Variants in LAMA5 observed in about 807,000 individuals in gnomAD.
LAMA5 encodes the protein laminin subunit alpha-5.
LAMA5 carries 260 observed loss-of-function variants against 433.4 expected under a neutral mutation model. The ratio of observed to expected loss-of-function variants is 0.60; its 90% CI spans 0.54 to 0.66. The LOEUF is 0.66. LAMA5 is among the 30% of genes least tolerant of loss of function. The pLI is 0.00. For synonymous variants in LAMA5, 2,620 were observed against 2,226.6 expected (o/e 1.18, Z -4.97); for missense variants, 5,378 against 5,258.5 (o/e 1.02, Z -0.70).
chr20:62,310,068 G>A lies in LAMA5; in HGVS notation c.10748C>T (p.Ala3583Val), dbSNP rs760403780. ...QVTEKQVLLR[A>V]DDGAGEFSTS... ...GGAGAACTCCCCTGCTCCGTCATCCGCCCGCAGCAGGACCTGGCGGGGTAG... is the reference window on the plus strand; with the variant it reads ...GGAGAACTCCCCTGCTCCGTCATCCACCCGCAGCAGGACCTGGCGGGGTAG... Residue 3583 changes from alanine (A) to valine (V), a missense_variant, in exon 78 of 80, where the codon GCG (alanine) becomes GTG (valine). Coordinates refer to ENST00000252999, the MANE Select transcript of LAMA5 (RefSeq NM_005560.6). 1.5e-5 allele frequency: 24 copies of A among 1,610,648 alleles called. No homozygotes were observed. Among genetic ancestry groups the A allele is most frequent in the South Asian group, 4.4e-5 (4 of 90,966 alleles).
chr20:62,345,630 CT>C, intron 11 of LAMA5, 187 bp downstream of exon 11: 1 of 656,356 alleles, frequency 1.5e-6, no homozygotes. Context: ...TAACTTTTTT[CT>C]TTGGCTTTAT....
Position 62,328,178 on chromosome 20 carries a change from G to A in LAMA5, c.4652+63C>T, listed in dbSNP as rs1463561942. On this transcript the variant is annotated intron_variant, in intron 35 of 79. Transcript: ENST00000252999. ...GCAGGGTGGGTGCCAGGACCCTCTG[G>A]CTAGAGGAAATGCTGTCCTTAAGGC... is the stretch of plus-strand genomic sequence containing the variant. 5 of 1,523,700 alleles carry A rather than the reference G, an allele frequency of 3.3e-6. No individual in the cohort carries two copies. The East Asian group carries it at 9.5e-5, about 29-fold the overall frequency. The allele number at this position is 1,523,700 out of a possible 1,614,324, so 94.4% of individuals were successfully genotyped here. A position where few individuals can be genotyped will look rare whatever the true frequency, so the allele number is the denominator to read the frequency against.
intron 41 of LAMA5, chr20:62,325,102 G>A (rs1979023307): frequency 1.7e-6 from 1 of 575,110 alleles, no homozygotes; most frequent in Non-Finnish European, 3.1e-6. Context: ...AGGCGGATGA[G>A]GGGCAGGCAG....
rs138625956 is a variant in LAMA5, at chr20:62,334,242, G to C, written c.2683C>G (p.Pro895Ala). ...CAGCTGAAGTTCTCGAACTCGAGGGGGTTGAAGCCAAAGCGCACGGCGTGA... is the reference window on the plus strand; with the variant it reads ...CAGCTGAAGTTCTCGAACTCGAGGGCGTTGAAGCCAAAGCGCACGGCGTGA... Reference protein sequence around the residue: ...EGHAVRFGFNPLEFENFSWRG... With the variant: ...EGHAVRFGFNALEFENFSWRG... Residue 895 changes from proline to alanine, a missense_variant, in exon 22 of 80, where the codon CCC becomes GCC. By Grantham distance (27) the Pro-to-Ala change is conservative. Transcript: ENST00000252999. 2.5e-6 allele frequency: 4 copies of C among 1,612,822 alleles called. No homozygotes were observed. Among genetic ancestry groups the C allele is most frequent in the Non-Finnish European group, 3.4e-6 (4 of 1,179,886 alleles).
intron 11 of LAMA5, 175 bp downstream of exon 11, chr20:62,345,640 ATGC>A: frequency 1.5e-6 from 1 of 648,308 alleles, no homozygotes. Context: ...CTTTGGCTTT[ATGC>A]TGACCTATAT....
rs1981097785 is a variant in LAMA5 at position 62,334,210 on chromosome 20, G to A, written c.2715C>T (p.Gly905=). 4.3e-6 allele frequency: 7 copies of A among 1,612,916 alleles called. No individual in the cohort carries two copies. The highest frequency in any genetic ancestry group is 5.9e-6 in the Non-Finnish European group (7 of 1,179,912). ...PLEFENFSWR[G]YAQMAPVQPR... is the part of the protein sequence containing the mutation. ...CCTGGACAGGTGCCATCTGCGCGTAGCCCCTCCAGCTGAAGTTCTCGAACT... is the reference window on the plus strand; with the variant it reads ...CCTGGACAGGTGCCATCTGCGCGTAACCCCTCCAGCTGAAGTTCTCGAACT... Residue 905 remains glycine, a synonymous_variant, in exon 22 of 80, where the codon GGC becomes GGT. Coordinates refer to ENST00000252999, the MANE Select transcript of LAMA5 (RefSeq NM_005560.6).
Position 62,314,559 on chromosome 20 carries a change from C to A in LAMA5, c.8363G>T (p.Arg2788Leu), listed in dbSNP as rs746740167. 5 of 1,606,912 alleles carry A rather than the reference C, an allele frequency of 3.1e-6. No homozygotes were observed. Among genetic ancestry groups the A allele is most frequent in the Admixed American group, 1.7e-5 (1 of 59,632 alleles). ...EDRFVMYMGS[R>L]QATGDYMGVS... ...TCCACCCAGCCAGCCTGGTACCTGG[C>A]GGCTGCCCATGTACATCACAAAGCG... Residue 2788 changes from arginine to leucine, a missense_variant, in exon 61 of 80, where the codon CGC becomes CTC. By Grantham distance (102) the Arg-to-Leu change is moderately radical. Transcript: ENST00000252999.
chr20:62,352,644 C>A (rs1453604338), intron 3 of LAMA5, among the ~76,000 whole-genome samples: 1 of 152,202 alleles, frequency 6.6e-6, no homozygotes, highest in East Asian at 1.9e-4. Context: ...CACTGACCCG[C>A]CCCTCCCCCA....
intron 6 of LAMA5, among the ~76,000 whole-genome samples, chr20:62,350,602 A>G (rs915002103): frequency 6.6e-6 from 1 of 152,154 alleles, no homozygotes; most frequent in African/African-American, 2.4e-5. Flanking sequence ...CAAGCGCATG[A>G]AAGTTGGGCT....
rs1289014628 is a variant in LAMA5, at chr20:62,328,433, C to A, written c.4460G>T (p.Gly1487Val). ...GFPNCRPCDCGARLCDELTGQ... is the reference protein window; with the variant it reads ...GFPNCRPCDCVARLCDELTGQ... ...CGTGAGCTCGTCACAGAGGCGGGCACCGCAGTCACAGGCTGTGGGGCGGGT... is the reference window on the plus strand; with the variant it reads ...CGTGAGCTCGTCACAGAGGCGGGCAACGCAGTCACAGGCTGTGGGGCGGGT... Residue 1487 changes from glycine to valine, a missense_variant, in exon 35 of 80, where the codon GGT (glycine) becomes GTT (valine). Transcript: ENST00000252999. The A allele has an allele frequency of 6.7e-7, 1 of 1,502,730 alleles. No homozygotes were observed. Among genetic ancestry groups the A allele is most frequent in the African/African-American group, 1.4e-5 (1 of 73,012 alleles). The allele number at this position is 1,502,730 out of a possible 1,614,324, so 93.1% of individuals were successfully genotyped here. A position where few individuals can be genotyped will look rare whatever the true frequency, so the allele number is the denominator to read the frequency against.
chr20:62,345,770 C>T (rs1164526435), intron 11 of LAMA5, 48 bp downstream of exon 11: 1 of 1,387,296 alleles, frequency 7.2e-7, no homozygotes, highest in East Asian at 2.5e-5. Flanking sequence ...AAGCCGCCCC[C>T]ATGGCTCCAG....
chr20:62,333,219 G>T lies in LAMA5; in HGVS notation c.3153C>A (p.Pro1051=). The T allele has an allele frequency of 6.5e-7, 1 of 1,530,788 alleles. No homozygotes were observed. Among genetic ancestry groups the T allele is most frequent in the Non-Finnish European group, 8.8e-7 (1 of 1,138,004 alleles). The allele number at this position is 1,530,788 out of a possible 1,614,324, so 94.8% of individuals were successfully genotyped here. A position where few individuals can be genotyped will look rare whatever the true frequency, so the allele number is the denominator to read the frequency against. Residue 1051 remains proline (P), a synonymous_variant, in exon 26 of 80, where the codon CCC becomes CCA. Coordinates refer to ENST00000252999, the MANE Select transcript of LAMA5 (RefSeq NM_005560.6). The part of the protein sequence containing the change: ...GDNCLLYTHL[P]LDGFPSAAGL... ...CGGCGGCCGAGGGGAAGCCATCCAGGGGGAGGTGTGTGTAGAGGAGGCAGC... is the reference window on the plus strand; with the variant it reads ...CGGCGGCCGAGGGGAAGCCATCCAGTGGGAGGTGTGTGTAGAGGAGGCAGC...
rs749298519 is a variant in LAMA5 at position 62,333,362 on chromosome 20, G to A, written c.3128+13C>T. 119 of 1,607,574 alleles carry A rather than the reference G, an allele frequency of 7.4e-5. No homozygotes were observed. Among genetic ancestry groups the A allele is most frequent in the Non-Finnish European group, 9.2e-5 (109 of 1,178,492 alleles). ...AGCCCCCACCCCGGTCCCACCGCAC[G>A]CATGGCCCTCACTTGTCGCCAGACT... is the stretch of plus-strand genomic sequence containing the variant. On this transcript the variant is annotated intron_variant, in intron 25 of 79. Transcript: ENST00000252999.
chr20:62,330,765 G>T lies in LAMA5; in HGVS notation c.3830C>A (p.Pro1277His). The T allele has an allele frequency of 6.4e-7, 1 of 1,562,530 alleles. No homozygotes were observed. The highest frequency in any genetic ancestry group is 1.9e-5 in the Admixed American group (1 of 52,684). Residue 1277 changes from proline to histidine, a missense_variant, in exon 30 of 80, where the codon CCC (proline) becomes CAC (histidine). Physicochemically the swap from Pro to His is moderately conservative, Grantham distance 77. Transcript: ENST00000252999. Reference protein sequence around the residue: ...PPTAVDPDAEPTLLREPQATV... With the variant: ...PPTAVDPDAEHTLLREPQATV... ...CACCTGGGGCTCACGCAGCAGGGTG[G>T]GCTCTGCATCAGGGTCCACAGCGGT... is the stretch of plus-strand genomic sequence containing the variant.
intron 1 of LAMA5, among the ~76,000 whole-genome samples, chr20:62,363,819 C>A (rs572028376): frequency 6.6e-6 from 1 of 152,030 alleles, no homozygotes; most frequent in African/African-American, 2.4e-5. Flanking sequence ...CCAACCCCCT[C>A]GCCCAGAGTG....
At position 62,310,235 on chromosome 20, in the gene LAMA5, G is replaced by C; in HGVS notation, c.10677C>G (p.Phe3559Leu). 1 of 1,612,570 alleles carries C rather than the reference G, an allele frequency of 6.2e-7. No individual in the cohort carries two copies. The highest frequency in any genetic ancestry group is 8.5e-7 in the Non-Finnish European group (1 of 1,179,930). The change falls in exon 77 of 80, where the codon TTC becomes TTG. Residue 3559 changes from phenylalanine (F) to leucine (L), a missense_variant. Coordinates refer to ENST00000252999, the MANE Select transcript of LAMA5 (RefSeq NM_005560.6). ...GGGGCGTCCGGGCCTGGCCCAAGTG[G>C]AAGATCAGTCCGGTGACTGCCAGGG... ...VRPLAVTGLI[F>L]HLGQARTPPY...
At chr20:62,309,902 A>T in intron 78 of LAMA5, 67 bp from the exon 79 acceptor site, 2 of 1,606,108 alleles carry the variant, frequency 1.2e-6, no homozygotes, top group South Asian at 2.2e-5. Context: ...CCCCAAAAGA[A>T]GCCACCCCAC....
chr20:62,327,864 A>C lies in LAMA5; in HGVS notation c.4797+2T>G. The stretch of plus-strand genomic sequence containing the variant: ...CCAGATCTGGGCCCAGCCCTCACTC[A>C]CCTTACAGTAGCACTGCCCTGTGAG... On this transcript the variant is annotated splice_donor_variant, in intron 36 of 79. Coordinates refer to ENST00000252999, the MANE Select transcript of LAMA5 (RefSeq NM_005560.6). LOFTEE classifies it high-confidence loss of function. 6.2e-7 allele frequency: 1 copy of C among 1,603,980 alleles called. No individual in the cohort carries two copies. The highest frequency in any genetic ancestry group is 8.5e-7 in the Non-Finnish European group (1 of 1,175,228).
rs1165134475 is a variant in LAMA5, at chr20:62,309,933, C to T, written c.10828+55G>A. The T allele has an allele frequency of 1.7e-5, 27 of 1,605,364 alleles. No individual in the cohort carries two copies. In the East Asian group the frequency reaches 2.7e-4, roughly 16 times the overall value. Reference sequence around the variant, plus strand: ...CCCACCCAGAGTCCCGCCTGGCTCCCGCTCTGCAGAAGGGTGGGGGTGGCA... The same window carrying T: ...CCCACCCAGAGTCCCGCCTGGCTCCTGCTCTGCAGAAGGGTGGGGGTGGCA... On this transcript the variant is annotated intron_variant, in intron 78 of 79. Transcript: ENST00000252999.
Sources: gnomAD v4.1 joint callset for allele counts (sites outside exome capture counted in the v4.1 genomes callset) on GRCh38, gnomAD v4.1.1 for gene constraint, MANE v1.5 for transcripts, NCBI Gene and HGNC (gene_info 2026-07-23, HGNC 2026-07-21) for gene names.